The following CNGB1 variants were observed in gnomAD, a reference collection of about 807,000 sequenced individuals.
The protein encoded by CNGB1 is cyclic nucleotide-gated channel beta-1.
Under a neutral mutation model 151.7 loss-of-function variants are expected in CNGB1, and 126 were observed. The observed-to-expected ratio is 0.83, with a 90% confidence interval of 0.72 to 0.96. The LOEUF is 0.96. CNGB1 is among the 40% of genes least tolerant of loss of function. The probability of loss-of-function intolerance (pLI) is 0.00; values close to 1 mark genes in which losing one functional copy is unlikely to be tolerated. For missense variants in CNGB1, 1,698 were observed against 1,627.0 expected (o/e 1.04, Z -0.75); for synonymous variants, 623 against 635.1 (o/e 0.98, Z 0.29).
chr16:57,944,951 TAAAAAAAAAAAAA>T (rs367717137), intron 14 of CNGB1, among the ~76,000 whole-genome samples: 1 of 104,380 alleles, frequency 9.6e-6, no homozygotes, highest in Non-Finnish European at 1.9e-5. Flanking sequence ...ACTCTGTCTT[TAAAAAAAAAAAAA>T]AAAAAAAAAC....
chr16:57,962,230 T>C (rs1298340104), intron 7 of CNGB1, among the ~76,000 whole-genome samples: 2 of 152,162 alleles, frequency 1.3e-5, no homozygotes, highest in African/African-American at 4.8e-5. Context: ...TCCCCCACAG[T>C]GATCCAAGCC....
chr16:57,969,921 A>G (rs12933912), intron 1 of CNGB1, among the ~76,000 whole-genome samples: 74,915 of 152,036 alleles, frequency 0.49, 19,760 homozygotes, highest in Non-Finnish European at 0.61. Context: ...TTTGGCAGAG[A>G]GTCTGTATGC....
intron 24 of CNGB1, among the ~76,000 whole-genome samples, chr16:57,912,382 G>A (rs893055999): frequency 6.6e-6 from 1 of 152,272 alleles, no homozygotes; most frequent in Middle Eastern, 3.4e-3. Flanking sequence ...TAAGCCCCTC[G>A]TGCCAGCTGA....
chr16:57,953,712 G>A (rs746370761), intron 12 of CNGB1, among the ~76,000 whole-genome samples: 10 of 151,894 alleles, frequency 6.6e-5, no homozygotes, highest in Non-Finnish European at 1.3e-4. Flanking sequence ...CCTGGCTCAG[G>A]CTCACATCTC....
At position 57,896,993 on chromosome 16, in the gene CNGB1, G is replaced by A. The variant is rs187972147; in HGVS notation, c.3242+404C>T. On this transcript the variant is annotated intron_variant, in intron 31 of 32. Coordinates refer to ENST00000251102, the MANE Select transcript of CNGB1 (RefSeq NM_001297.5). Reference sequence around the variant, plus strand: ...TGAGATAATAGTGTTGTTTCAATACGAAATTTCCTTATTTTAATGAAGGTA... The same window carrying A: ...TGAGATAATAGTGTTGTTTCAATACAAAATTTCCTTATTTTAATGAAGGTA... Among the ~76,000 whole-genome samples the A allele has an allele frequency of 3.0e-3, 463 of 152,140 alleles. 4 individuals are homozygous for A. The highest frequency in any genetic ancestry group is 0.011 in the African/African-American group (442 of 41,520).
At chr16:57,910,842 G>A (rs1235347604) in intron 25 of CNGB1, among the ~76,000 whole-genome samples, 2 of 152,036 alleles carry the variant, frequency 1.3e-5, no homozygotes, top group Non-Finnish European at 2.9e-5. Flanking sequence ...AAAGCAAGCT[G>A]CACCCCAACC....
At position 57,904,823 on chromosome 16, in the gene CNGB1, G is replaced by A. The variant is rs756591681; in HGVS notation, c.2545C>T (p.Leu849=). 2 of 1,614,120 alleles carry A rather than the reference G, an allele frequency of 1.2e-6. No individual in the cohort carries two copies. Among genetic ancestry groups the A allele is most frequent in the Non-Finnish European group, 8.5e-7 (1 of 1,180,016 alleles). ...AVKTLITIGG[L]PDPKTLFEIV... Reference sequence around the variant, plus strand: ...TCAAAGAGTGTCTTGGGGTCAGGCAGCCCCCCGATGGTGATGAGGGTCTTC... The same window carrying A: ...TCAAAGAGTGTCTTGGGGTCAGGCAACCCCCCGATGGTGATGAGGGTCTTC... Residue 849 remains leucine, a synonymous_variant, in exon 26 of 33, where the codon CTG becomes TTG. Coordinates refer to ENST00000251102, the MANE Select transcript of CNGB1 (RefSeq NM_001297.5).
chr16:57,919,767 G>T (rs1399159396), intron 19 of CNGB1, among the ~76,000 whole-genome samples: 1 of 152,150 alleles, frequency 6.6e-6, no homozygotes, highest in Non-Finnish European at 1.5e-5. Context: ...GTGCATCTAT[G>T]ATGATACTTT....
chr16:57,920,598 C>T (rs908747570), intron 18 of CNGB1, 54 bp from the exon 19 acceptor site: 2 of 1,598,642 alleles, frequency 1.3e-6, no homozygotes, highest in Non-Finnish European at 1.7e-6. Context: ...GACCTGTGCA[C>T]CCCCAGGCCA....
At chr16:57,954,852 G>A (rs1396523442) in intron 12 of CNGB1, 7 of 999,516 alleles carry the variant, frequency 7.0e-6, no homozygotes, top group East Asian at 1.0e-4. Flanking sequence ...GGCTGTGCAC[G>A]CGTCCTCTCA....
intron 14 of CNGB1, among the ~76,000 whole-genome samples, chr16:57,946,174 AC>A (rs1195003473): frequency 1.3e-5 from 2 of 152,136 alleles, no homozygotes; most frequent in African/African-American, 4.8e-5. Flanking sequence ...TCCTGGAGAC[AC>A]CCTCCGGCTT....
intron 18 of CNGB1, among the ~76,000 whole-genome samples, chr16:57,920,991 A>G (rs1961016086): frequency 6.6e-6 from 1 of 152,218 alleles, no homozygotes. Context: ...AAAGCAGTGC[A>G]GATACATTCT....
At chr16:57,925,168 ATTT>A (rs879880209) in intron 17 of CNGB1, among the ~76,000 whole-genome samples, 1 of 143,620 alleles carries the variant, frequency 7.0e-6, no homozygotes. Context: ...ACACCAGCTA[ATTT>A]TTTTTTTTTT....
chr16:57,965,699 C>T (rs1178462641), intron 2 of CNGB1, among the ~76,000 whole-genome samples: 1 of 151,508 alleles, frequency 6.6e-6, no homozygotes, highest in Non-Finnish European at 1.5e-5. Flanking sequence ...CATAGAAATA[C>T]ATGAGTACAC....
intron 29 of CNGB1, among the ~76,000 whole-genome samples, chr16:57,898,746 C>A (rs1450634993): frequency 6.6e-6 from 1 of 152,146 alleles, no homozygotes; most frequent in Non-Finnish European, 1.5e-5. Flanking sequence ...TACTACTTAT[C>A]CTCAACAACC....
intron 1 of CNGB1, among the ~76,000 whole-genome samples, chr16:57,969,278 C>T (rs2149391222): frequency 6.6e-6 from 1 of 152,282 alleles, no homozygotes; most frequent in Middle Eastern, 3.4e-3. Flanking sequence ...TGCACTCCAG[C>T]CTGCCTGGGT....
At chr16:57,968,420 C>T (rs1157511582) in intron 1 of CNGB1, among the ~76,000 whole-genome samples, 1 of 151,920 alleles carries the variant, frequency 6.6e-6, no homozygotes, top group East Asian at 1.9e-4. Flanking sequence ...TCTCTTGAAC[C>T]CAGGAGGTAG....
Position 57,960,906 on chromosome 16 carries a change from C to T in CNGB1, c.468G>A (p.Leu156=). The part of the protein sequence containing the change: ...ALEAQDTRPG[L]RLLLWLEQNL... ...TCTGCTCCAGCCACAGAAGCAGCCGCAGCCCAGGCCTGCAGAGGGGCCAGT... is the reference window on the plus strand; with the variant it reads ...TCTGCTCCAGCCACAGAAGCAGCCGTAGCCCAGGCCTGCAGAGGGGCCAGT... The change falls in exon 8 of 33, where the codon CTG becomes CTA. Residue 156 remains leucine (L), a synonymous_variant. Transcript: ENST00000251102. 6.2e-7 allele frequency: 1 copy of T among 1,614,182 alleles called. No individual in the cohort carries two copies. The highest frequency in any genetic ancestry group is 1.1e-5 in the South Asian group (1 of 91,076).
chr16:57,921,546 T>A (rs1280604376), intron 18 of CNGB1, among the ~76,000 whole-genome samples: 1 of 152,106 alleles, frequency 6.6e-6, no homozygotes, highest in East Asian at 1.9e-4. Flanking sequence ...TAATGAGAGC[T>A]GGCATACAGG....
Sources: gnomAD v4.1 joint callset for allele counts (sites outside exome capture counted in the v4.1 genomes callset) on GRCh38, gnomAD v4.1.1 for gene constraint, MANE v1.5 for transcripts, NCBI Gene and HGNC (gene_info 2026-07-23, HGNC 2026-07-21) for gene names.